Variants in FAM184A observed in about 807,000 individuals in gnomAD.
The protein encoded by FAM184A is protein FAM184A.
Under a neutral mutation model 143.8 loss-of-function variants are expected in FAM184A, and 99 were observed. The ratio of observed to expected loss-of-function variants is 0.69; its 90% CI spans 0.58 to 0.81. The LOEUF is 0.81. Ranked by LOEUF, FAM184A falls within the 40% of genes least tolerant of loss-of-function variation. The pLI is 0.00. For synonymous variants in FAM184A, 427 were observed against 446.4 expected (o/e 0.96, Z 0.55); for missense variants, 1,217 against 1,310.5 (o/e 0.93, Z 1.10).
At chr6:119,137,973 C>G (rs1040104677) in intron 1 of FAM184A, among the ~76,000 whole-genome samples, 2 of 152,228 alleles carry the variant, frequency 1.3e-5, no homozygotes, top group African/African-American at 4.8e-5. Context: ...GAAGTCAGAA[C>G]AGCTGTGTTC....
chr6:118,990,018 G>A (rs945442020), intron 9 of FAM184A, among the ~76,000 whole-genome samples: 28 of 151,962 alleles, frequency 1.8e-4, no homozygotes, highest in South Asian at 4.2e-4. Flanking sequence ...TAGTAGAGAC[G>A]GGGTTTCACC....
intron 1 of FAM184A, among the ~76,000 whole-genome samples, chr6:119,097,213 C>G (rs956987283): frequency 1.3e-5 from 2 of 152,134 alleles, no homozygotes; most frequent in Non-Finnish European, 2.9e-5. Flanking sequence ...AAAAGGAATA[C>G]TTCCTTTTTC....
chr6:119,130,193 A>T (rs1198423476), intron 1 of FAM184A, among the ~76,000 whole-genome samples: 1 of 152,224 alleles, frequency 6.6e-6, no homozygotes, highest in South Asian at 2.1e-4. Flanking sequence ...CACATAATTT[A>T]CTTAGAGCCC....
intron 1 of FAM184A, among the ~76,000 whole-genome samples, chr6:119,027,222 T>C (rs1301267509): frequency 6.6e-6 from 1 of 152,112 alleles, no homozygotes; most frequent in African/African-American, 2.4e-5. Flanking sequence ...CTGATTTATG[T>C]CTTTGCCTGT....
chr6:118,990,589 C>CCG (rs71746749), intron 9 of FAM184A, among the ~76,000 whole-genome samples: 1 of 28,488 alleles, frequency 3.5e-5, no homozygotes, highest in South Asian at 1.6e-3. Context: ...ACTAATTAGG[C>CCG]ACATGGTGGC....
chr6:119,031,787 A>T (rs1785880722), intron 1 of FAM184A, among the ~76,000 whole-genome samples: 1 of 152,244 alleles, frequency 6.6e-6, no homozygotes, highest in African/African-American at 2.4e-5. Flanking sequence ...AAGGTAAGGG[A>T]ATCACTGAAT....
intron 3 of FAM184A, among the ~76,000 whole-genome samples, chr6:119,021,037 C>A (rs947340155): frequency 6.6e-6 from 1 of 152,156 alleles, no homozygotes; most frequent in African/African-American, 2.4e-5. Context: ...GGCAGAGGTT[C>A]TCAAAGTACC....
chr6:118,979,272 T>G, intron 11 of FAM184A, 93 bp downstream of exon 11: 1 of 1,295,556 alleles, frequency 7.7e-7, no homozygotes, highest in Non-Finnish European at 1.1e-6. Flanking sequence ...CGTTTCAAAA[T>G]TTTAAAATAA....
At chr6:119,143,130 T>C (rs902996637) in intron 1 of FAM184A, among the ~76,000 whole-genome samples, 4 of 152,196 alleles carry the variant, frequency 2.6e-5, no homozygotes, top group Admixed American at 6.5e-5. Context: ...ACGTTTGTGT[T>C]GTTTTAAGGT....
In FAM184A at chr6:119,060,657, G is replaced by T. The variant is rs1344052175; in HGVS notation, c.159+17484C>A. Among the ~76,000 whole-genome samples the T allele has an allele frequency of 2.6e-5, 4 of 152,124 alleles. No homozygotes were observed. The East Asian group carries it at 7.7e-4, about 29-fold the overall frequency. ...TGGTAATCCCCAGTGTTGGAGGTGGGGCCTGGTGGGAGGTGACTGGATCAT... is the reference window on the plus strand; with the variant it reads ...TGGTAATCCCCAGTGTTGGAGGTGGTGCCTGGTGGGAGGTGACTGGATCAT... On this transcript the variant is annotated intron_variant, in intron 1 of 17. Transcript: ENST00000338891.
Position 119,096,162 on chromosome 6 carries a change from A to G in FAM184A, c.-202+52916T>C, listed in dbSNP as rs943583311. 4.7e-4 allele frequency among the ~76,000 whole-genome samples: 72 copies of G among 152,108 alleles called. 1 individual carries two copies. Among genetic ancestry groups the G allele is most frequent in the Non-Finnish European group, 1.3e-4 (9 of 68,026 alleles). On this transcript the variant is annotated intron_variant, in intron 1 of 16. Transcript: ENST00000352896. ...AAAAGGGTACCTACTGTGTATTCTG[A>G]TAAGTGGCTTGAAAACAGCCTCCTC...
At chr6:119,062,384 C>G (rs1273718051) in intron 1 of FAM184A, among the ~76,000 whole-genome samples, 4 of 152,128 alleles carry the variant, frequency 2.6e-5, no homozygotes, top group African/African-American at 7.2e-5. Flanking sequence ...TTAGTTTTGT[C>G]CTGGCATGGT....
intron 1 of FAM184A, among the ~76,000 whole-genome samples, chr6:119,147,675 A>C (rs2114900962): frequency 6.6e-6 from 1 of 152,344 alleles, no homozygotes; most frequent in South Asian, 2.1e-4. Flanking sequence ...GTGACAATCC[A>C]GGAAGCTGAA....
At chr6:119,095,787 G>T (rs1461890538) in intron 1 of FAM184A, among the ~76,000 whole-genome samples, 2 of 152,106 alleles carry the variant, frequency 1.3e-5, no homozygotes, top group Non-Finnish European at 2.9e-5. Context: ...TTGAACTCCT[G>T]GCTTCAAGTG....
intron 6 of FAM184A, 121 bp from the exon 7 acceptor site, chr6:119,006,729 T>C (rs1025950179): frequency 7.6e-6 from 6 of 792,600 alleles, no homozygotes; most frequent in Non-Finnish European, 9.4e-6. Flanking sequence ...GATTTCCTGA[T>C]TAATTTGGAA....
intron 2 of FAM184A, 70 bp from the exon 3 acceptor site, chr6:119,023,150 T>TAAGGGTCAGCTTTCTCTTATTCAG (rs1785506772): frequency 1.3e-6 from 2 of 1,536,108 alleles, no homozygotes; most frequent in Admixed American, 3.5e-5. Flanking sequence ...ATTTAAATTA[T>TAAGGGTCAGCTTTCTCTTATTCAG]AAGGGTCAGC....
At chr6:119,122,405 G>T (rs1228321076) in intron 1 of FAM184A, among the ~76,000 whole-genome samples, 2 of 150,710 alleles carry the variant, frequency 1.3e-5, no homozygotes, top group African/African-American at 2.4e-5. Flanking sequence ...TTTACAAAGG[G>T]TTGTAGCCAG....
intron 6 of FAM184A, among the ~76,000 whole-genome samples, chr6:119,008,453 G>A (rs1784993484): frequency 6.6e-6 from 1 of 152,172 alleles, no homozygotes; most frequent in East Asian, 1.9e-4. Flanking sequence ...GAAGCATGAA[G>A]TCAACACAAG....
At position 119,017,611 on chromosome 6, in the gene FAM184A, C is replaced by T. The variant is rs79702776; in HGVS notation, c.1333-667G>A. On this transcript the variant is annotated intron_variant, in intron 4 of 17. Coordinates refer to ENST00000338891, the MANE Select transcript of FAM184A (RefSeq NM_024581.6). ...TCAATACAATTTTGAATGCCAATTA[C>T]GTACCTTTTGGGCATTCACAGTTCT... is the stretch of plus-strand genomic sequence containing the variant. Among the ~76,000 whole-genome samples the T allele has an allele frequency of 1.5e-4, 23 of 152,108 alleles. 1 individual carries two copies. The East Asian group carries it at 2.3e-3, about 15-fold the overall frequency.
Sources: allele counts gnomAD v4.1 joint callset (sites outside exome capture counted in the v4.1 genomes callset), GRCh38; gene constraint gnomAD v4.1.1; transcripts MANE v1.5; gene names NCBI Gene and HGNC (gene_info 2026-07-23, HGNC 2026-07-21).